Variants in LPAR1 observed in about 807,000 individuals in gnomAD.
LPAR1 encodes lysophosphatidic acid receptor 1.
Under a neutral mutation model 23.8 loss-of-function variants are expected in LPAR1, and 5 were observed. That is an observed-to-expected ratio of 0.21 (90% CI 0.11 to 0.44). The LOEUF is 0.44. LPAR1 is among the 20% of genes least tolerant of loss of function. The pLI is 0.99. For missense variants in LPAR1, 311 were observed against 482.8 expected (o/e 0.64, Z 3.33); for synonymous variants, 160 against 164.7 (o/e 0.97, Z 0.22).
At chr9:110,944,288 C>G (rs1564125752) in intron 4 of LPAR1, among the ~76,000 whole-genome samples, 1 of 152,068 alleles carries the variant, frequency 6.6e-6, no homozygotes, top group Non-Finnish European at 1.5e-5. Context: ...GCTATGAAAC[C>G]CTATAAACGC....
intron 5 of LPAR1, among the ~76,000 whole-genome samples, chr9:110,916,447 C>T (rs890479485): frequency 5.9e-5 from 9 of 152,126 alleles, no homozygotes; most frequent in African/African-American, 2.2e-4. Context: ...CTTTTGTAAC[C>T]TTACTTAAAT....
intron 4 of LPAR1, among the ~76,000 whole-genome samples, chr9:110,969,568 C>G (rs1158783389): frequency 6.6e-6 from 1 of 151,820 alleles, no homozygotes; most frequent in Non-Finnish European, 1.5e-5. Flanking sequence ...AGAAATTAAC[C>G]AGGCATGGAG....
At chr9:111,006,060 C>T (rs1411881822) in intron 2 of LPAR1, among the ~76,000 whole-genome samples, 1 of 152,092 alleles carries the variant, frequency 6.6e-6, no homozygotes, top group Non-Finnish European at 1.5e-5. Flanking sequence ...ATAGACAGTG[C>T]TCAATAAAGG....
intron 4 of LPAR1, among the ~76,000 whole-genome samples, 186 bp downstream of exon 4, chr9:110,971,887 T>C (rs2096434721): frequency 6.6e-6 from 1 of 152,186 alleles, no homozygotes; most frequent in Non-Finnish European, 1.5e-5. Context: ...CACTTGTTCA[T>C]TGTTCCAGCT....
At chr9:110,931,183 A>G (rs1224429205) in intron 5 of LPAR1, among the ~76,000 whole-genome samples, 2 of 152,248 alleles carry the variant, frequency 1.3e-5, no homozygotes, top group Non-Finnish European at 2.9e-5. Context: ...AAACTTCTAT[A>G]CATCATCTAA....
chr9:110,981,419 A>C (rs889280981), intron 2 of LPAR1, among the ~76,000 whole-genome samples: 5 of 152,042 alleles, frequency 3.3e-5, no homozygotes, highest in African/African-American at 1.2e-4. Flanking sequence ...ATATGACTAT[A>C]AGAATTGAAT....
At chr9:111,020,333 A>G (rs2097538957) in intron 2 of LPAR1, among the ~76,000 whole-genome samples, 1 of 152,218 alleles carries the variant, frequency 6.6e-6, no homozygotes, top group African/African-American at 2.4e-5. Flanking sequence ...ATCAGATGAG[A>G]ATTTGTGATT....
chr9:111,028,735 C>A (rs1036943286), intron 2 of LPAR1, among the ~76,000 whole-genome samples: 1 of 151,700 alleles, frequency 6.6e-6, no homozygotes. Flanking sequence ...CAAACCTTTA[C>A]GAGTTTCTCA....
Position 110,875,394 on chromosome 9 carries a change from G to A in LPAR1, c.*27C>T, listed in dbSNP as rs1222359801. 35 of 1,583,220 alleles carry A rather than the reference G, an allele frequency of 2.2e-5. No individual in the cohort carries two copies. The highest frequency in any genetic ancestry group is 2.8e-5 in the Non-Finnish European group (32 of 1,161,114). ...GGCTGTTTATCCTCCAAGAGAGGAC[G>A]GCTGGTTCCTCATCTCAGTTTCCGT... On this transcript the variant is annotated 3_prime_UTR_variant, in exon 6 of 6. Transcript: ENST00000683809.
In LPAR1 at chr9:110,972,144, A is replaced by G. The variant is rs770104567; in HGVS notation, c.-27T>C. 3.7e-6 allele frequency: 6 copies of G among 1,611,628 alleles called. No individual in the cohort carries two copies. The highest frequency in any genetic ancestry group is 5.1e-6 in the Non-Finnish European group (6 of 1,177,772). On this transcript the variant is annotated 5_prime_UTR_variant, in exon 4 of 6. Transcript: ENST00000683809. ...ACAGCTCTGTGGTTGTAGGTGGTGAACACGCCCCAGAACTACGGGAGACAA... is the reference window on the plus strand; with the variant it reads ...ACAGCTCTGTGGTTGTAGGTGGTGAGCACGCCCCAGAACTACGGGAGACAA...
chr9:110,900,686 A>T (rs1345850417), intron 5 of LPAR1, among the ~76,000 whole-genome samples: 1 of 152,240 alleles, frequency 6.6e-6, no homozygotes, highest in African/African-American at 2.4e-5. Context: ...TACATTTTAA[A>T]TGCCCAACAA....
chr9:110,935,945 C>T (rs940152446), intron 5 of LPAR1, among the ~76,000 whole-genome samples: 2 of 152,202 alleles, frequency 1.3e-5, no homozygotes, highest in Non-Finnish European at 2.9e-5. Flanking sequence ...AGGTGCTAAT[C>T]ACACCTGACT....
At chr9:110,960,598 T>C (rs575524654) in intron 4 of LPAR1, among the ~76,000 whole-genome samples, 1 of 152,340 alleles carries the variant, frequency 6.6e-6, no homozygotes, top group African/African-American at 2.4e-5. Context: ...GGCTATGTTA[T>C]TGCATTATAA....
At chr9:110,911,992 A>G (rs1372425761) in intron 5 of LPAR1, among the ~76,000 whole-genome samples, 1 of 152,240 alleles carries the variant, frequency 6.6e-6, no homozygotes. Flanking sequence ...ACAGTATCTC[A>G]GTCTAAAGAA....
At chr9:111,017,810 A>G (rs889523705) in intron 2 of LPAR1, among the ~76,000 whole-genome samples, 2 of 152,248 alleles carry the variant, frequency 1.3e-5, no homozygotes, top group Admixed American at 1.3e-4. Flanking sequence ...TCACGAGATC[A>G]AGAGATTGAG....
At chr9:110,996,316 C>T (rs1431542121) in intron 2 of LPAR1, among the ~76,000 whole-genome samples, 1 of 151,990 alleles carries the variant, frequency 6.6e-6, no homozygotes. Flanking sequence ...CAACACTCTC[C>T]GAGGCCAAGG....
intron 3 of LPAR1, 59 bp from the exon 4 acceptor site, chr9:110,972,279 G>A: frequency 1.6e-6 from 1 of 636,722 alleles, no homozygotes; most frequent in Non-Finnish European, 2.8e-6. Flanking sequence ...TGGGTGTGAA[G>A]TACCATTGGC....
Position 110,941,845 on chromosome 9 carries a change from A to G in LPAR1, c.369T>C (p.Leu123=). The G allele has an allele frequency of 6.2e-7, 1 of 1,614,208 alleles. No homozygotes were observed. Among genetic ancestry groups the G allele is most frequent in the East Asian group, 2.2e-5 (1 of 44,880 alleles). Residue 123 remains leucine (L), a synonymous_variant, in exon 5 of 6, where the codon CTT becomes CTC. Transcript: ENST00000683809. This position sits in a 1 kb window ranked among gnomAD's most constrained non-coding sequence, Gnocchi z 6.1. ...GGCTGGTGTCAATGAGGCCCTGACG[A>G]AGGAGCCATGTGCTAACAGTCAGTC... ...TRRLTVSTWL[L]RQGLIDTSLT... is the part of the protein sequence containing the mutation.
At chr9:110,896,414 G>C (rs2086352351) in intron 5 of LPAR1, among the ~76,000 whole-genome samples, 1 of 151,846 alleles carries the variant, frequency 6.6e-6, no homozygotes, top group Non-Finnish European at 1.5e-5. Context: ...ATTTATCAGG[G>C]GCAACCCACA....
Sources: gnomAD v4.1 joint callset for allele counts (sites outside exome capture counted in the v4.1 genomes callset) on GRCh38, gnomAD v4.1.1 for gene constraint, Gnocchi (gnomAD v3.1) non-coding constraint, MANE v1.5 for transcripts, NCBI Gene and HGNC (gene_info 2026-07-23, HGNC 2026-07-21) for gene names.